UGT1A10: variants seen among roughly 807,000 people sequenced by gnomAD.
UGT1A10 encodes UDP-glucuronosyltransferase 1A10.
In UGT1A10, 49 loss-of-function variants were observed where a neutral mutation model predicts 45.8. That is an observed-to-expected ratio of 1.07 (90% CI 0.85 to 1.36). The LOEUF (loss-of-function observed/expected upper bound fraction) is 1.36, where lower values mean the gene tolerates loss of function less well. Ranked by LOEUF, UGT1A10 falls within the 40% of genes most tolerant of loss-of-function variation. The probability of loss-of-function intolerance (pLI) is 0.00; values close to 1 mark genes in which losing one functional copy is unlikely to be tolerated. For missense variants in UGT1A10, 745 were observed against 668.6 expected, an observed-to-expected ratio of 1.11 and a Z score of -1.26; for synonymous variants, 284 against 249.7, an observed-to-expected ratio of 1.14 and a Z score of -1.29.
chr2:233,703,342 T>C (rs1204412356), intron 1 of UGT1A10, among the ~76,000 whole-genome samples: 1 of 152,166 alleles, frequency 6.6e-6, no homozygotes, highest in Non-Finnish European at 1.5e-5. Flanking sequence ...CTCTCTTTTT[T>C]CTTTGTTAAT....
At chr2:233,755,255 G>A (rs1695832666) in intron 1 of UGT1A10, 14 of 819,316 alleles carry the variant, frequency 1.7e-5, no homozygotes, top group South Asian at 1.2e-4. Flanking sequence ...CCAGCACCTC[G>A]TAGTAGTCCA....
At chr2:233,639,142 A>C (rs1218222562) in intron 1 of UGT1A10, among the ~76,000 whole-genome samples, 1 of 152,210 alleles carries the variant, frequency 6.6e-6, no homozygotes, top group Non-Finnish European at 1.5e-5. Flanking sequence ...ATAGAGGGAT[A>C]TCTATAAAAA....
chr2:233,638,692 T>G (rs1274865352), intron 1 of UGT1A10, among the ~76,000 whole-genome samples: 1 of 152,180 alleles, frequency 6.6e-6, no homozygotes, highest in East Asian at 1.9e-4. Flanking sequence ...GTACACATTT[T>G]TATGTATTGT....
intron 1 of UGT1A10, among the ~76,000 whole-genome samples, chr2:233,638,102 G>A (rs1419121195): frequency 6.6e-6 from 1 of 152,042 alleles, no homozygotes; most frequent in African/African-American, 2.4e-5. Context: ...CTACACGTAG[G>A]GTTACAGGGT....
intron 1 of UGT1A10, among the ~76,000 whole-genome samples, chr2:233,678,518 CTG>C (rs973088303): frequency 5.3e-5 from 8 of 152,070 alleles, no homozygotes; most frequent in Admixed American, 5.2e-4. Flanking sequence ...TAATTACTGT[CTG>C]TTTTTTTCTC....
At chr2:233,724,137 G>C (rs1240134584) in intron 1 of UGT1A10, among the ~76,000 whole-genome samples, 1 of 114,506 alleles carries the variant, frequency 8.7e-6, no homozygotes, top group Non-Finnish European at 1.8e-5. Context: ...CCTCCCGGAC[G>C]GGGCGGCTGG....
At chr2:233,688,380 C>T (rs887920380) in intron 1 of UGT1A10, among the ~76,000 whole-genome samples, 14 of 152,164 alleles carry the variant, frequency 9.2e-5, no homozygotes, top group East Asian at 3.8e-4. Context: ...CATTTGTATA[C>T]GATAAACCCT....
At chr2:233,643,157 C>T (rs2073501204) in intron 1 of UGT1A10, among the ~76,000 whole-genome samples, 1 of 152,220 alleles carries the variant, frequency 6.6e-6, no homozygotes, top group South Asian at 2.1e-4. Flanking sequence ...TCCCCCAGGC[C>T]CTGGGTGGGT....
chr2:233,656,880 A>G (rs1178100587), intron 1 of UGT1A10, among the ~76,000 whole-genome samples: 1 of 151,510 alleles, frequency 6.6e-6, no homozygotes, highest in Non-Finnish European at 1.5e-5. Context: ...ATGTGCAGAT[A>G]AACACGCACA....
chr2:233,718,388 G>T (rs189947965), intron 1 of UGT1A10, among the ~76,000 whole-genome samples: 20 of 152,300 alleles, frequency 1.3e-4, no homozygotes, highest in African/African-American at 4.6e-4. Context: ...GAGTTTCAAG[G>T]GTTAGCAAAT....
chr2:233,761,272 T>C (rs1697733623), intron 1 of UGT1A10: 1 of 1,579,126 alleles, frequency 6.3e-7, no homozygotes, highest in African/African-American at 1.3e-5. Flanking sequence ...AATGCCCTCT[T>C]TTGTTAATTT....
At chr2:233,736,318 T>G (rs1275483454) in intron 1 of UGT1A10, among the ~76,000 whole-genome samples, 1 of 152,256 alleles carries the variant, frequency 6.6e-6, no homozygotes, top group Non-Finnish European at 1.5e-5. Flanking sequence ...TTGAATTTTG[T>G]GCATGTGTTA....
chr2:233,712,191 C>T (rs1334257892), intron 1 of UGT1A10, among the ~76,000 whole-genome samples: 1 of 152,204 alleles, frequency 6.6e-6, no homozygotes, highest in Non-Finnish European at 1.5e-5. Flanking sequence ...CTCCAGCTCC[C>T]CCGGTCCCTT....
At position 233,713,657 on chromosome 2, in the gene UGT1A10, C is replaced by T. The variant is rs763333257; in HGVS notation, c.856-53377C>T. 2.0e-5 allele frequency: 32 copies of T among 1,613,872 alleles called. No homozygotes were observed. In the South Asian group the frequency reaches 2.1e-4, roughly 11 times the overall value. ...TGCTCTACCCTCTGGCCCTGTCCTACCTTTGCCATGCTGTTTCTGCTCCTT... is the reference window on the plus strand; with the variant it reads ...TGCTCTACCCTCTGGCCCTGTCCTATCTTTGCCATGCTGTTTCTGCTCCTT... On this transcript the variant is annotated intron_variant, in intron 1 of 4. Transcript: ENST00000344644.
intron 1 of UGT1A10, chr2:233,693,251 G>T (rs1429681788): frequency 1.2e-6 from 2 of 1,613,978 alleles, no homozygotes; most frequent in Non-Finnish European, 1.7e-6. Context: ...AGTGCCGTAT[G>T]ACCAAGAAGA....
In UGT1A10 at chr2:233,743,883, G is replaced by A. The variant is rs373345166; in HGVS notation, c.856-23151G>A. 1.0e-5 allele frequency: 14 copies of A among 1,366,944 alleles called. No individual in the cohort carries two copies. In the East Asian group the frequency reaches 1.4e-4, roughly 13 times the overall value. 84.7% of individuals were successfully genotyped at this position (1,366,944 alleles called of 1,614,324 possible). On this transcript the variant is annotated intron_variant, in intron 1 of 4. Transcript: ENST00000344644. ...TTGATGGCCTCGGATGAGGCCTGCC[G>A]GGGCACGTCCAGCACCTCGTAGTAG...
chr2:233,654,642 G>C (rs2073815129), intron 1 of UGT1A10, among the ~76,000 whole-genome samples: 1 of 152,222 alleles, frequency 6.6e-6, no homozygotes, highest in Non-Finnish European at 1.5e-5. Context: ...ATGATTGCTT[G>C]GCGACATAGC....
intron 1 of UGT1A10, among the ~76,000 whole-genome samples, chr2:233,674,762 C>T (rs1053532026): frequency 4.6e-5 from 7 of 152,106 alleles, no homozygotes; most frequent in Admixed American, 2.6e-4. Context: ...TATGACTATA[C>T]GTGTAAAGCC....
chr2:233,741,913 G>T (rs539186110), intron 1 of UGT1A10: 3 of 151,962 alleles, frequency 2.0e-5, no homozygotes, highest in African/African-American at 4.9e-5. Flanking sequence ...GATGGAAAAG[G>T]TCTTCATTTG....
Sources: gnomAD v4.1 joint callset for allele counts (sites outside exome capture counted in the v4.1 genomes callset) on GRCh38, gnomAD v4.1.1 for gene constraint, MANE v1.5 for transcripts, NCBI Gene and HGNC (gene_info 2026-07-23, HGNC 2026-07-21) for gene names.